CNTNAP4: variants seen among roughly 807,000 people sequenced by gnomAD.
The protein encoded by CNTNAP4 is contactin-associated protein-like 4.
In CNTNAP4, 98 loss-of-function variants were observed where a neutral mutation model predicts 148.4. The ratio of observed to expected loss-of-function variants is 0.66; its 90% CI spans 0.56 to 0.78. The LOEUF (loss-of-function observed/expected upper bound fraction) is 0.78. Ranked by LOEUF, CNTNAP4 falls within the 30% of genes least tolerant of loss-of-function variation. CNTNAP4 has a pLI of 0.00. For missense variants in CNTNAP4, 1,935 were observed against 1,565.6 expected (o/e 1.24, Z -3.98); for synonymous variants, 730 against 565.1 (o/e 1.29, Z -4.14).
At chr16:76,301,603 A>G (rs989426696) in intron 1 of CNTNAP4, among the ~76,000 whole-genome samples, 11 of 152,146 alleles carry the variant, frequency 7.2e-5, no homozygotes, top group Admixed American at 6.6e-4. Flanking sequence ...TGTTATCAGG[A>G]CTTTGGGAGG....
chr16:76,474,005 C>A (rs902605421), intron 10 of CNTNAP4, among the ~76,000 whole-genome samples: 5 of 152,072 alleles, frequency 3.3e-5, no homozygotes, highest in African/African-American at 1.2e-4. Context: ...GCATGGTGCT[C>A]TGCCTGTCTC....
Position 76,540,741 on chromosome 16 carries a change from A to T in CNTNAP4, c.3393A>T (p.Ser1131=). The change falls in exon 21 of 24, where the codon TCA becomes TCT. Residue 1131 remains serine, a synonymous_variant. Coordinates refer to ENST00000611870, the MANE Select transcript of CNTNAP4 (RefSeq NM_033401.5). ...DNRRRQVHLS[S]GTEFSAVKSL... ...GAAGGAGACAAGTTCACCTGTCATCAGGCACAGAATTCAGTGCAGTCAAAT... is the reference window on the plus strand; with the variant it reads ...GAAGGAGACAAGTTCACCTGTCATCTGGCACAGAATTCAGTGCAGTCAAAT... 6.3e-7 allele frequency: 1 copy of T among 1,577,658 alleles called. No individual in the cohort carries two copies. The highest frequency in any genetic ancestry group is 1.3e-5 in the African/African-American group (1 of 74,422).
At chr16:76,414,647 C>T (rs922903019) in intron 3 of CNTNAP4, among the ~76,000 whole-genome samples, 4 of 151,220 alleles carry the variant, frequency 2.6e-5, no homozygotes, top group Non-Finnish European at 3.0e-5. Flanking sequence ...GGAAAGACAT[C>T]GAGGCCTGCA....
chr16:76,415,886 A>G (rs1313755839), intron 3 of CNTNAP4, among the ~76,000 whole-genome samples: 1 of 146,914 alleles, frequency 6.8e-6, no homozygotes, highest in Non-Finnish European at 1.5e-5. Context: ...TCATCAGTTT[A>G]TGTCTTTTAT....
chr16:76,539,681 A>G (rs374630415), intron 19 of CNTNAP4, 38 bp from the exon 20 acceptor site: 42 of 1,540,344 alleles, frequency 2.7e-5, no homozygotes, highest in Middle Eastern at 2.2e-4. Flanking sequence ...TCAAAGTACG[A>G]TTTTTACTAA....
chr16:76,287,943 C>G (rs1958954757), intron 1 of CNTNAP4, among the ~76,000 whole-genome samples: 1 of 152,080 alleles, frequency 6.6e-6, no homozygotes, highest in African/African-American at 2.4e-5. Context: ...ACATGGCAAA[C>G]AAATGTCTTC....
chr16:76,342,542 G>A (rs945725743), intron 2 of CNTNAP4, among the ~76,000 whole-genome samples: 3 of 138,706 alleles, frequency 2.2e-5, no homozygotes, highest in Non-Finnish European at 3.0e-5. Flanking sequence ...GTGCAATCTC[G>A]GCTCACTGCA....
At chr16:76,433,448 A>G (rs1243921517) in intron 4 of CNTNAP4, among the ~76,000 whole-genome samples, 1 of 152,182 alleles carries the variant, frequency 6.6e-6, no homozygotes, top group Non-Finnish European at 1.5e-5. Flanking sequence ...ACTTGCACAT[A>G]ATAGGAATGT....
intron 3 of CNTNAP4, among the ~76,000 whole-genome samples, chr16:76,355,719 A>G (rs1419731702): frequency 6.6e-6 from 1 of 152,144 alleles, no homozygotes; most frequent in Non-Finnish European, 1.5e-5. Context: ...TTTATATTAC[A>G]GGGTTCTCAA....
rs2082818148 is a variant in CNTNAP4, at chr16:76,505,794, G to A, written c.2365+7100G>A. On this transcript the variant is annotated intron_variant, in intron 15 of 23. Coordinates refer to ENST00000611870, the MANE Select transcript of CNTNAP4 (RefSeq NM_033401.5). ...TCAAACCTATAATCCCAGGGCTATA[G>A]GAGGTCAAGGTGGGAGGATTGCTTG... Among the ~76,000 whole-genome samples the A allele has an allele frequency of 2.1e-5, 2 of 96,982 alleles. 1 individual carries two copies. The highest frequency in any genetic ancestry group is 8.3e-4 in the South Asian group (2 of 2,412). The allele number at this position is 96,982 out of a possible 152,430, so 63.6% of individuals were successfully genotyped here.
chr16:76,411,010 A>G (rs2078773043), intron 3 of CNTNAP4, among the ~76,000 whole-genome samples: 1 of 151,436 alleles, frequency 6.6e-6, no homozygotes, highest in Admixed American at 6.6e-5. Flanking sequence ...AATATACATT[A>G]TAATATGAAG....
chr16:76,386,742 T>C (rs990142854), intron 3 of CNTNAP4, among the ~76,000 whole-genome samples: 44 of 152,136 alleles, frequency 2.9e-4, no homozygotes, highest in African/African-American at 1.0e-3. Context: ...ATGATATCTC[T>C]ATAAAAAAGG....
chr16:76,296,189 T>C (rs1006336531), intron 1 of CNTNAP4, among the ~76,000 whole-genome samples: 2 of 152,236 alleles, frequency 1.3e-5, no homozygotes, highest in African/African-American at 4.8e-5. Context: ...TTATGTATTG[T>C]TGCATTTTAA....
intron 3 of CNTNAP4, among the ~76,000 whole-genome samples, chr16:76,424,183 A>T (rs2145021253): frequency 6.6e-6 from 1 of 152,300 alleles, no homozygotes; most frequent in Non-Finnish European, 1.5e-5. Context: ...CAGATGTCTT[A>T]TTCCATTTAC....
chr16:76,346,014 C>T (rs1254807467), intron 2 of CNTNAP4, among the ~76,000 whole-genome samples: 1 of 152,010 alleles, frequency 6.6e-6, no homozygotes, highest in Admixed American at 6.6e-5. Context: ...ATCTGCCAGC[C>T]CCTTGATCTT....
At chr16:76,522,697 T>TCTC (rs1344959379) in intron 17 of CNTNAP4, among the ~76,000 whole-genome samples, 236 of 14,002 alleles carry the variant, frequency 0.017, 13 homozygotes, top group African/African-American at 0.048. Context: ...CTTTCTTTTC[T>TCTC]TTTCTTTTCT....
chr16:76,279,662 G>C (rs544341849), intron 1 of CNTNAP4, among the ~76,000 whole-genome samples: 1 of 152,222 alleles, frequency 6.6e-6, no homozygotes, highest in African/African-American at 2.4e-5. Flanking sequence ...AACATTTAAA[G>C]TTGGAGTTCT....
chr16:76,426,233 G>C (rs1228509139), intron 3 of CNTNAP4, among the ~76,000 whole-genome samples: 8 of 152,034 alleles, frequency 5.3e-5, no homozygotes, highest in African/African-American at 1.9e-4. Flanking sequence ...AAAATGTTTT[G>C]GTAAATGATA....
intron 3 of CNTNAP4, among the ~76,000 whole-genome samples, chr16:76,383,101 C>T (rs773707730): frequency 7.6e-6 from 1 of 132,366 alleles, no homozygotes; most frequent in East Asian, 2.7e-4. Context: ...AAAAATCAAG[C>T]ATTTATCCCA....
Sources: allele counts gnomAD v4.1 joint callset (sites outside exome capture counted in the v4.1 genomes callset), GRCh38; gene constraint gnomAD v4.1.1; transcripts MANE v1.5; gene names NCBI Gene and HGNC (gene_info 2026-07-23, HGNC 2026-07-21).